Variants in MDN1 observed in about 807,000 individuals in gnomAD.
MDN1 encodes the protein midasin AAA ATPase 1.
In MDN1, 266 loss-of-function variants were observed where a neutral mutation model predicts 669.2. The observed-to-expected ratio is 0.40, with a 90% CI of 0.36 to 0.44. The LOEUF is 0.44. Ranked by LOEUF, MDN1 falls within the 20% of genes least tolerant of loss-of-function variation. The probability of loss-of-function intolerance (pLI) is 1.00; values close to 1 mark genes in which losing one functional copy is unlikely to be tolerated. For missense variants in MDN1, 5,940 were observed against 6,754.0 expected (o/e 0.88, Z 4.22); for synonymous variants, 2,385 against 2,457.1 (o/e 0.97, Z 0.87).
chr6:89,656,256 A>G (rs777540147), intron 91 of MDN1, among the ~76,000 whole-genome samples: 11 of 152,166 alleles, frequency 7.2e-5, no homozygotes, highest in Non-Finnish European at 1.6e-4. Context: ...GGTAACACCA[A>G]TTTGCTCTGA....
chr6:89,779,872 C>T (rs1177803259), intron 11 of MDN1, among the ~76,000 whole-genome samples: 7 of 151,972 alleles, frequency 4.6e-5, no homozygotes, highest in African/African-American at 7.2e-5. Flanking sequence ...TCGAGACCAG[C>T]CTGGCCAACA....
chr6:89,649,617 A>G (rs1219437509), intron 97 of MDN1, among the ~76,000 whole-genome samples: 1 of 152,236 alleles, frequency 6.6e-6, no homozygotes, highest in East Asian at 1.9e-4. Context: ...TACCTACCTA[A>G]ACTATCTAAG....
chr6:89,724,369 G>A (rs140768560), intron 38 of MDN1, among the ~76,000 whole-genome samples: 1,564 of 152,068 alleles, frequency 0.01, 14 homozygotes, highest in Middle Eastern at 0.034. Flanking sequence ...TGCAACCTCC[G>A]CCTCCCGGGT....
rs2128313788 is a variant in MDN1, at chr6:89,723,194, A to C, written c.5779-51T>G. On this transcript the variant is annotated intron_variant, in intron 39 of 101. Coordinates refer to ENST00000369393, the MANE Select transcript of MDN1 (RefSeq NM_014611.3). ...AAACATGCCCTGCTTACTACTAGGC[A>C]CTGCATTAAGTACTAGGAATGTACT... The C allele has an allele frequency of 3.2e-6, 5 of 1,542,926 alleles. 1 individual carries two copies. In the South Asian group the frequency reaches 5.7e-5, roughly 18 times the overall value.
Position 89,743,630 on chromosome 6 carries a change from C to T in MDN1, c.4263G>A (p.Glu1421=). 1 of 1,614,150 alleles carries T rather than the reference C, an allele frequency of 6.2e-7. No individual in the cohort carries two copies. Among genetic ancestry groups the T allele is most frequent in the Non-Finnish European group, 8.5e-7 (1 of 1,179,998 alleles). Residue 1421 remains glutamate (E), a synonymous_variant, in exon 30 of 102, where the codon GAG becomes GAA. Transcript: ENST00000369393. ...GCAGGCCACCCAGGAAGTCTGATGTCTCCATGTGTAAGTGGCAGCTGACAG... is the reference window on the plus strand; with the variant it reads ...GCAGGCCACCCAGGAAGTCTGATGTTTCCATGTGTAAGTGGCAGCTGACAG... ...LYSVSCHLHM[E]TSDFLGGLRP... is the part of the protein sequence containing the mutation.
chr6:89,690,723 C>G lies in MDN1; in HGVS notation c.10699G>C (p.Glu3567Gln), dbSNP rs1464089576. 2 of 1,614,168 alleles carry G rather than the reference C, an allele frequency of 1.2e-6. No homozygotes were observed. Among genetic ancestry groups the G allele is most frequent in the South Asian group, 2.2e-5 (2 of 91,090 alleles). Residue 3567 changes from glutamate to glutamine, a missense_variant, in exon 64 of 102, where the codon GAG (glutamate) becomes CAG (glutamine). Glu to Gln is a conservative substitution (Grantham distance 29). Coordinates refer to ENST00000369393, the MANE Select transcript of MDN1 (RefSeq NM_014611.3). ...SRNSRTALSE[E>Q]EEEEREFRKQ... ...CTGAACTCCCGTTCTTCCTCCTCCTCTTCACTCAGGGCTGTCCTAGAGTTC... is the reference window on the plus strand; with the variant it reads ...CTGAACTCCCGTTCTTCCTCCTCCTGTTCACTCAGGGCTGTCCTAGAGTTC...
chr6:89,669,623 G>A (rs1810493991), intron 83 of MDN1, among the ~76,000 whole-genome samples: 1 of 152,056 alleles, frequency 6.6e-6, no homozygotes, highest in South Asian at 2.1e-4. Context: ...ATCTTAGAAT[G>A]CTAAGAACAA....
chr6:89,756,272 C>A lies in MDN1; in HGVS notation c.2816+5G>T. On this transcript the variant is annotated splice_donor_5th_base_variant and intron_variant, in intron 20 of 101. Transcript: ENST00000369393. Reference sequence around the variant, plus strand: ...GCTTATAAAGACATACAAAAGGGAACCTACTTTATGATTCCTTGCACTGTA... The same window carrying A: ...GCTTATAAAGACATACAAAAGGGAAACTACTTTATGATTCCTTGCACTGTA... 6.9e-7 allele frequency: 1 copy of A among 1,443,240 alleles called. No individual in the cohort carries two copies. The highest frequency in any genetic ancestry group is 9.5e-7 in the Non-Finnish European group (1 of 1,055,796). 89.4% of individuals were successfully genotyped at this position (1,443,240 alleles called of 1,614,324 possible).
chr6:89,712,554 CAAGCTG>C lies in MDN1; in HGVS notation c.7430+15_7430+20del. On this transcript the variant is annotated intron_variant, in intron 48 of 101. Coordinates refer to ENST00000369393, the MANE Select transcript of MDN1 (RefSeq NM_014611.3). ...AAAACCAGCCAAGAAACCAGAGACACAAGCTGAAGGCTCCACTGACCTTGTCCAGCT... is the reference window on the plus strand; with the variant it reads ...AAAACCAGCCAAGAAACCAGAGACACAAGGCTCCACTGACCTTGTCCAGCT... 6.2e-7 allele frequency: 1 copy of C among 1,607,036 alleles called. No individual in the cohort carries two copies. Among genetic ancestry groups the C allele is most frequent in the African/African-American group, 1.3e-5 (1 of 74,874 alleles).
chr6:89,694,921 T>C (rs1020661152), intron 61 of MDN1, among the ~76,000 whole-genome samples: 1 of 152,168 alleles, frequency 6.6e-6, no homozygotes, highest in Non-Finnish European at 1.5e-5. Flanking sequence ...ATAGGGATAC[T>C]ATATTCTATC....
intron 1 of MDN1, 102 bp from the exon 2 acceptor site, chr6:89,803,656 A>G: frequency 1.2e-6 from 1 of 840,204 alleles, no homozygotes; most frequent in Non-Finnish European, 1.8e-6. Context: ...ATCTCAGCTC[A>G]CTGCAAGCTC....
intron 37 of MDN1, among the ~76,000 whole-genome samples, chr6:89,725,740 C>CTT (rs11371433): frequency 0.12 from 16,988 of 137,184 alleles, 1,290 homozygotes; most frequent in East Asian, 0.27. Flanking sequence ...CCAGCTAATT[C>CTT]TTTTTTTTTT....
At chr6:89,763,023 A>G (rs1817632207) in intron 15 of MDN1, among the ~76,000 whole-genome samples, 1 of 152,208 alleles carries the variant, frequency 6.6e-6, no homozygotes, top group Non-Finnish European at 1.5e-5. Flanking sequence ...CTGCCACTCT[A>G]GCGTGGGCAA....
chr6:89,743,382 G>GA (rs1816395046), intron 30 of MDN1, 102 bp from the exon 31 acceptor site: 1 of 1,469,440 alleles, frequency 6.8e-7, no homozygotes, highest in East Asian at 2.3e-5. Context: ...GCATTCTGAG[G>GA]AAAGTAAGAA....
chr6:89,774,027 T>C (rs1466545470), intron 13 of MDN1, among the ~76,000 whole-genome samples: 1 of 151,244 alleles, frequency 6.6e-6, no homozygotes, highest in Non-Finnish European at 1.5e-5. Flanking sequence ...CAAGAAAGCA[T>C]TCTCCCCTAG....
chr6:89,662,660 G>C, intron 86 of MDN1, 132 bp downstream of exon 86: 3 of 1,102,952 alleles, frequency 2.7e-6, no homozygotes, highest in Non-Finnish European at 3.8e-6. Flanking sequence ...ATAGAAAAAA[G>C]AAAAAGAGGA....
intron 69 of MDN1, 28 bp from the exon 70 acceptor site, chr6:89,686,001 T>C: frequency 1.9e-6 from 3 of 1,605,780 alleles, no homozygotes. Flanking sequence ...GAAAAATATA[T>C]ATGTTCCTTC....
rs907506476 is a variant in MDN1 at position 89,674,095 on chromosome 6, C to T, written c.13247+9G>A. The T allele has an allele frequency of 1.2e-6, 2 of 1,612,774 alleles. No individual in the cohort carries two copies. The highest frequency in any genetic ancestry group is 2.7e-5 in the African/African-American group (2 of 74,964). ...ACACAGAGAAGTGTAAAGACATAGA[C>T]ACACTTACCAAGAATGAAAGAGAGT... On this transcript the variant is annotated intron_variant, in intron 79 of 101. Transcript: ENST00000369393.
chr6:89,670,121 ACT>A (rs1235396736), intron 83 of MDN1, among the ~76,000 whole-genome samples: 1 of 112,456 alleles, frequency 8.9e-6, no homozygotes, highest in African/African-American at 3.6e-5. Flanking sequence ...AATTTTGGAG[ACT>A]CTGTCTCCAA....
Sources: gnomAD v4.1 joint callset for allele counts (sites outside exome capture counted in the v4.1 genomes callset) on GRCh38, gnomAD v4.1.1 for gene constraint, MANE v1.5 for transcripts, NCBI Gene and HGNC (gene_info 2026-07-23, HGNC 2026-07-21) for gene names.